SETBP1: variants seen among roughly 807,000 people sequenced by gnomAD.
The protein encoded by SETBP1 is SET-binding protein.
A neutral mutation model predicts 101.0 loss-of-function variants in SETBP1; 9 were observed. That is an observed-to-expected ratio of 0.09 (90% confidence interval 0.05 to 0.16). SETBP1 has a LOEUF of 0.16. Among genes scored for constraint, SETBP1 ranks in the 10% least tolerant of loss-of-function variants. The pLI is 1.00. For missense variants in SETBP1, 1,858 were observed against 2,033.8 expected (o/e 0.91, Z 1.66); for synonymous variants, 818 against 788.5 (o/e 1.04, Z -0.63).
At chr18:45,006,468 G>A (rs1053946505) in intron 4 of SETBP1, among the ~76,000 whole-genome samples, 4 of 152,186 alleles carry the variant, frequency 2.6e-5, no homozygotes, top group Non-Finnish European at 5.9e-5. Flanking sequence ...GGAAGTCCAA[G>A]ATCAAAGTGT....
At chr18:44,855,275 GT>G (rs1255238699) in intron 2 of SETBP1, among the ~76,000 whole-genome samples, 1 of 151,246 alleles carries the variant, frequency 6.6e-6, no homozygotes, top group Non-Finnish European at 1.5e-5. Flanking sequence ...TTTTTGGTTC[GT>G]TTTGGGGTTT....
intron 2 of SETBP1, among the ~76,000 whole-genome samples, chr18:44,847,778 T>G (rs1401551997): frequency 6.6e-6 from 1 of 152,160 alleles, no homozygotes; most frequent in African/African-American, 2.4e-5. Flanking sequence ...GAGATCATGC[T>G]ACAAAGATAA....
intron 2 of SETBP1, among the ~76,000 whole-genome samples, chr18:44,719,145 A>G (rs1174593102): frequency 6.6e-6 from 1 of 152,198 alleles, no homozygotes; most frequent in Non-Finnish European, 1.5e-5. Flanking sequence ...CTGAAAAATC[A>G]TGCATCACAC....
At chr18:44,793,785 CTT>C (rs2071413621) in intron 2 of SETBP1, among the ~76,000 whole-genome samples, 1 of 152,180 alleles carries the variant, frequency 6.6e-6, no homozygotes, top group Admixed American at 6.5e-5. Flanking sequence ...ATCCAGAACT[CTT>C]TTAATTATCC....
At chr18:44,834,136 G>T (rs553956527) in intron 2 of SETBP1, among the ~76,000 whole-genome samples, 5 of 152,296 alleles carry the variant, frequency 3.3e-5, no homozygotes, top group Middle Eastern at 3.4e-3. Context: ...TTTAGCATGA[G>T]ATAATGGGTG....
intron 2 of SETBP1, among the ~76,000 whole-genome samples, chr18:44,819,904 A>C (rs567423111): frequency 6.6e-6 from 1 of 152,356 alleles, no homozygotes; most frequent in South Asian, 2.1e-4. Context: ...ACCAGCAGCA[A>C]AAAGTAAGGA....
intron 4 of SETBP1, among the ~76,000 whole-genome samples, chr18:45,008,866 G>A (rs1376552709): frequency 1.3e-5 from 2 of 152,166 alleles, no homozygotes; most frequent in Non-Finnish European, 2.9e-5. Context: ...GTCTAGGTTG[G>A]GTTTGAAGCT....
chr18:44,904,989 G>A (rs181670808), intron 3 of SETBP1, among the ~76,000 whole-genome samples: 1 of 152,076 alleles, frequency 6.6e-6, no homozygotes, highest in Admixed American at 6.6e-5. Context: ...AGAAAGAAAT[G>A]GATTTTTCAT....
intron 4 of SETBP1, among the ~76,000 whole-genome samples, chr18:45,018,914 T>A (rs1452393701): frequency 1.3e-5 from 2 of 152,190 alleles, no homozygotes; most frequent in Non-Finnish European, 2.9e-5. Context: ...TGATTAGGAA[T>A]GAGCAGGAAG....
At chr18:44,728,208 T>C (rs536002998) in intron 2 of SETBP1, among the ~76,000 whole-genome samples, 2 of 152,224 alleles carry the variant, frequency 1.3e-5, no homozygotes, top group Non-Finnish European at 2.9e-5. Context: ...TACTGTCTGA[T>C]TTATTCCAGA....
chr18:44,780,539 T>A (rs1450819320), intron 2 of SETBP1, among the ~76,000 whole-genome samples: 3 of 152,236 alleles, frequency 2.0e-5, no homozygotes, highest in African/African-American at 7.2e-5. Context: ...CTGGAACTTT[T>A]TCATCCAAGT....
chr18:44,750,106 A>G (rs1308953768), intron 2 of SETBP1, among the ~76,000 whole-genome samples: 1 of 152,214 alleles, frequency 6.6e-6, no homozygotes, highest in East Asian at 1.9e-4. Flanking sequence ...AGGACTTCGG[A>G]GAAACTGGTT....
intron 3 of SETBP1, among the ~76,000 whole-genome samples, chr18:44,881,699 C>A (rs1373590801): frequency 6.6e-6 from 1 of 152,142 alleles, no homozygotes; most frequent in Non-Finnish European, 1.5e-5. Context: ...ATGTCCTTCG[C>A]TAGATCCAGA....
intron 2 of SETBP1, among the ~76,000 whole-genome samples, chr18:44,831,301 G>C (rs1172416554): frequency 6.6e-6 from 1 of 152,150 alleles, no homozygotes; most frequent in Non-Finnish European, 1.5e-5. Context: ...CCACTATCCT[G>C]TATAAAACCA....
At chr18:44,934,552 G>C (rs1026549183) in intron 3 of SETBP1, among the ~76,000 whole-genome samples, 20 of 152,172 alleles carry the variant, frequency 1.3e-4, no homozygotes, top group Non-Finnish European at 1.6e-4. Context: ...TGATTCCAGA[G>C]TTTCAATGCA....
intron 1 of SETBP1, among the ~76,000 whole-genome samples, chr18:44,699,758 C>T (rs1166201378): frequency 6.6e-6 from 1 of 152,212 alleles, no homozygotes; most frequent in African/African-American, 2.4e-5. Flanking sequence ...TCCTGGGCTT[C>T]TCTGGGGAGC....
At chr18:44,975,592 A>G (rs1321891578) in intron 4 of SETBP1, among the ~76,000 whole-genome samples, 1 of 152,206 alleles carries the variant, frequency 6.6e-6, no homozygotes, top group Non-Finnish European at 1.5e-5. Flanking sequence ...AAGCATTGTT[A>G]GGTGTTCTGT....
In SETBP1 at chr18:44,741,700, A is replaced by G. The variant is rs560468599; in HGVS notation, c.486+39868A>G. On this transcript the variant is annotated intron_variant, in intron 2 of 5. Transcript: ENST00000649279. The stretch of plus-strand genomic sequence containing the variant: ...GTGGGGTGGGAGAGCAAGGGAGCTC[A>G]GCTGTGGAGCTTGAAAATAGCCATG... Among the ~76,000 whole-genome samples the G allele has an allele frequency of 5.3e-5, 8 of 152,286 alleles. No individual in the cohort carries two copies. In the East Asian group the frequency reaches 1.4e-3, roughly 26 times the overall value.
chr18:45,003,016 C>CTGA (rs2072649035), intron 4 of SETBP1, among the ~76,000 whole-genome samples: 1 of 152,182 alleles, frequency 6.6e-6, no homozygotes, highest in Admixed American at 6.5e-5. Flanking sequence ...AAGAAATACA[C>CTGA]TGATATGTGC....
Sources: allele counts gnomAD v4.1 joint callset (sites outside exome capture counted in the v4.1 genomes callset), GRCh38; gene constraint gnomAD v4.1.1; transcripts MANE v1.5; gene names NCBI Gene and HGNC (gene_info 2026-07-23, HGNC 2026-07-21).